Variants in CARS1 observed in about 807,000 individuals in gnomAD.
CARS1 encodes cysteinyl-tRNA synthetase 1.
Under a neutral mutation model 106.2 loss-of-function variants are expected in CARS1, and 48 were observed. The observed-to-expected ratio is 0.45, with a 90% confidence interval of 0.36 to 0.57. The LOEUF (loss-of-function observed/expected upper bound fraction) is 0.57. Ranked by LOEUF, CARS1 falls within the 20% of genes least tolerant of loss-of-function variation. The pLI is 0.00. For synonymous variants in CARS1, 409 were observed against 403.4 expected, an observed-to-expected ratio of 1.01 and a Z score of -0.17; for missense variants, 968 against 1,057.2, an observed-to-expected ratio of 0.92 and a Z score of 1.17.
Position 3,037,815 on chromosome 11 carries a change from C to A in CARS1, c.801+235G>T, listed in dbSNP as rs1853871937. 6.6e-6 allele frequency among the ~76,000 whole-genome samples: 1 copy of A among 151,772 alleles called. No homozygotes were observed. The highest frequency in any genetic ancestry group is 2.4e-5 in the African/African-American group (1 of 41,292). On this transcript the variant is annotated intron_variant, in intron 7 of 22. Coordinates refer to ENST00000380525, the MANE Select transcript of CARS1 (RefSeq NM_001014437.3). The surrounding 1 kb of genome is among the most constrained non-coding windows in gnomAD (Gnocchi z 5.9). ...TGGTGGGAGGGTGTGGATCCCGAGT[C>A]TCCTTCCAGTGGCACAGGCTCTGCA...
At chr11:3,033,475 A>G (rs1390792546) in intron 7 of CARS1, among the ~76,000 whole-genome samples, 1 of 152,246 alleles carries the variant, frequency 6.6e-6, no homozygotes, top group Non-Finnish European at 1.5e-5. Context: ...GTAATTCTAG[A>G]TAATTAACTT....
intron 20 of CARS1, 136 bp downstream of exon 20, chr11:3,005,230 C>T: frequency 3.0e-5 from 17 of 570,304 alleles, no homozygotes; most frequent in South Asian, 7.9e-5. Context: ...GTTAATTTTT[C>T]TTTCTGACAT....
At chr11:3,013,788 G>GGGT (rs1402609439) in intron 17 of CARS1, among the ~76,000 whole-genome samples, 1 of 152,160 alleles carries the variant, frequency 6.6e-6, no homozygotes, top group Non-Finnish European at 1.5e-5. Context: ...GGGAGGCAGA[G>GGGT]GGTGCAGTGA....
In CARS1 at chr11:3,020,526, A is replaced by G. The variant is rs1371704797; in HGVS notation, c.1154-194T>C. Reference sequence around the variant, plus strand: ...GTGTTGACCCAGTGTCTAGATTTACAAAACGGTACATAATCCCCAAAGTCA... The same window carrying G: ...GTGTTGACCCAGTGTCTAGATTTACGAAACGGTACATAATCCCCAAAGTCA... On this transcript the variant is annotated intron_variant, in intron 10 of 22. Transcript: ENST00000380525. This position sits in a 1 kb window ranked among gnomAD's most constrained non-coding sequence, Gnocchi z 4.6. Among the ~76,000 whole-genome samples, 8 of 152,242 alleles carry G rather than the reference A, an allele frequency of 5.3e-5. No individual in the cohort carries two copies. Among genetic ancestry groups the G allele is most frequent in the Non-Finnish European group, 1.0e-4 (7 of 68,052 alleles).
Position 3,017,273 on chromosome 11 carries a change from T to C in CARS1, c.1750A>G (p.Ile584Val), listed in dbSNP as rs1433134399. 6.2e-7 allele frequency: 1 copy of C among 1,613,932 alleles called. No homozygotes were observed. The highest frequency in any genetic ancestry group is 8.5e-7 in the Non-Finnish European group (1 of 1,179,812). Residue 584 changes from isoleucine (I) to valine (V), a missense_variant, in exon 16 of 23, where the codon ATT (isoleucine) becomes GTT (valine). Ile to Val is a conservative substitution (Grantham distance 29, BLOSUM62 3). Transcript: ENST00000380525. This position sits in a 1 kb window ranked among gnomAD's most constrained non-coding sequence, Gnocchi z 4.9. Reference sequence around the variant, plus strand: ...ACATTGTCACAGAGGGCTTTGTGAATTGCTGTCTTCTTGTCATAAAAGCTG... The same window carrying C: ...ACATTGTCACAGAGGGCTTTGTGAACTGCTGTCTTCTTGTCATAAAAGCTG... ...NKNFYDKKTA[I>V]HKALCDNVDT...
rs576775707 is a variant in CARS1, at chr11:3,052,008, C to G, written c.26-4007G>C. ...GCAACAGCCCGAACACTGACAGTGACGATGGTTGATGAGAGGGGGTGACAG... is the reference window on the plus strand; with the variant it reads ...GCAACAGCCCGAACACTGACAGTGAGGATGGTTGATGAGAGGGGGTGACAG... On this transcript the variant is annotated intron_variant, in intron 1 of 22. Coordinates refer to ENST00000380525, the MANE Select transcript of CARS1 (RefSeq NM_001014437.3). This position sits in a 1 kb window ranked among gnomAD's most constrained non-coding sequence, Gnocchi z 4.6. Among the ~76,000 whole-genome samples, 4 of 152,338 alleles carry G rather than the reference C, an allele frequency of 2.6e-5. No homozygotes were observed. The highest frequency in any genetic ancestry group is 5.9e-5 in the Non-Finnish European group (4 of 68,034).
chr11:3,040,637 C>A lies in CARS1; in HGVS notation c.455+259G>T. On this transcript the variant is annotated intron_variant, in intron 4 of 22. Coordinates refer to ENST00000380525, the MANE Select transcript of CARS1 (RefSeq NM_001014437.3). This position sits in a 1 kb window ranked among gnomAD's most constrained non-coding sequence, Gnocchi z 5.8. ...GTGAGAAAAAGTGCCCAGGTCGAGT[C>A]CAGCATGTTAGCAGTGGGGCTATGG... The A allele has an allele frequency of 1.5e-6, 1 of 659,518 alleles. No homozygotes were observed. The highest frequency in any genetic ancestry group is 2.8e-6 in the Non-Finnish European group (1 of 359,142). 40.9% of individuals were successfully genotyped at this position (659,518 alleles called of 1,614,324 possible). A position where few individuals can be genotyped will look rare whatever the true frequency, so the allele number is the denominator to read the frequency against.
chr11:3,018,462 C>T lies in CARS1; in HGVS notation c.1575G>A (p.Leu525=). ...ACTCCATGGTGTTGCTGGAGTAGTC[C>T]AGGGTGTCCTTCCACGAGTGCATGA... The part of the protein sequence containing the change: ...AFLMHSWKDT[L]DYSSNTMESA... The change falls in exon 14 of 23, where the codon CTG becomes CTA. Residue 525 remains leucine, a synonymous_variant. Coordinates refer to ENST00000380525, the MANE Select transcript of CARS1 (RefSeq NM_001014437.3). 6.2e-7 allele frequency: 1 copy of T among 1,614,140 alleles called. No individual in the cohort carries two copies. The highest frequency in any genetic ancestry group is 8.5e-7 in the Non-Finnish European group (1 of 1,180,014).
At chr11:3,032,925 T>C (rs1853054317) in intron 7 of CARS1, among the ~76,000 whole-genome samples, 1 of 151,312 alleles carries the variant, frequency 6.6e-6, no homozygotes, top group South Asian at 2.1e-4. Flanking sequence ...TCAGAGCAGG[T>C]TCGCTGACTG....
In CARS1 at chr11:3,041,444, T is replaced by C. The variant is rs532725123; in HGVS notation, c.367-460A>G. Among the ~76,000 whole-genome samples, 3 of 152,254 alleles carry C rather than the reference T, an allele frequency of 2.0e-5. No homozygotes were observed. The East Asian group carries it at 5.8e-4, about 29-fold the overall frequency. ...AACACTTGGCCAGGGTCAGTCCCTG[T>C]TGGGGGAGCGCGGCTTGGAGGCCAG... On this transcript the variant is annotated intron_variant, in intron 3 of 22. Coordinates refer to ENST00000380525, the MANE Select transcript of CARS1 (RefSeq NM_001014437.3). The surrounding 1 kb of genome is among the most constrained non-coding windows in gnomAD (Gnocchi z 4.9).
intron 14 of CARS1, 51 bp downstream of exon 14, chr11:3,018,357 T>C (rs776070715): frequency 2.9e-5 from 36 of 1,238,550 alleles, no homozygotes; most frequent in Non-Finnish European, 3.7e-5. Flanking sequence ...AGGTGCCCAC[T>C]GTGCAGGGGA....
chr11:3,009,733 G>C (rs1590334545), intron 18 of CARS1, among the ~76,000 whole-genome samples: 1 of 152,176 alleles, frequency 6.6e-6, no homozygotes, highest in Non-Finnish European at 1.5e-5. Flanking sequence ...GACCATGGGG[G>C]TATTTCCAGG....
At position 3,007,050 on chromosome 11, in the gene CARS1, G is replaced by A. The variant is rs912118545; in HGVS notation, c.2069-91C>T. 4.0e-5 allele frequency: 41 copies of A among 1,024,696 alleles called. No homozygotes were observed. In the East Asian group the frequency reaches 5.7e-4, roughly 14 times the overall value. The allele number at this position is 1,024,696 out of a possible 1,614,324, so 63.5% of individuals were successfully genotyped here. A position where few individuals can be genotyped will look rare whatever the true frequency, so the allele number is the denominator to read the frequency against. On this transcript the variant is annotated intron_variant, in intron 18 of 22. Transcript: ENST00000380525. ...CTCCAGTGCTGGGGAAGGAGGGGCC[G>A]TGGCCCACAGAACAAGTGCCTCCTC...
rs1243318561 is a variant in CARS1 at position 3,004,355 on chromosome 11, G to C, written c.2217+1011C>G. Among the ~76,000 whole-genome samples the C allele has an allele frequency of 6.6e-6, 1 of 152,222 alleles. No homozygotes were observed. Among genetic ancestry groups the C allele is most frequent in the African/African-American group, 2.4e-5 (1 of 41,460 alleles). On this transcript the variant is annotated intron_variant, in intron 20 of 22. Transcript: ENST00000380525. The surrounding 1 kb of genome is among the most constrained non-coding windows in gnomAD (Gnocchi z 5.2). ...TCCCCTCGTGCCTTGGGCCAGTGCA[G>C]GGCTAGGCATAGATGCCTTCCCTGA...
Position 3,040,064 on chromosome 11 carries a change from C to T in CARS1, c.456-133G>A, listed in dbSNP as rs1015344207. ...GCCATCCCTGAAACAGCAAGACCCCCCCTTCTCCTCCTCAGTCTACTCAAC... is the reference window on the plus strand; with the variant it reads ...GCCATCCCTGAAACAGCAAGACCCCTCCTTCTCCTCCTCAGTCTACTCAAC... On this transcript the variant is annotated intron_variant, in intron 4 of 22. Transcript: ENST00000380525. The surrounding 1 kb of genome is among the most constrained non-coding windows in gnomAD (Gnocchi z 5.8). 6 of 561,548 alleles carry T rather than the reference C, an allele frequency of 1.1e-5. No homozygotes were observed. In the East Asian group the frequency reaches 1.6e-4, roughly 15 times the overall value. 34.8% of individuals were successfully genotyped at this position (561,548 alleles called of 1,614,324 possible).
rs778899177 is a variant in CARS1 at position 3,018,403 on chromosome 11, C to T, written c.1629+5G>A. On this transcript the variant is annotated splice_donor_5th_base_variant and intron_variant, in intron 14 of 22. Coordinates refer to ENST00000380525, the MANE Select transcript of CARS1 (RefSeq NM_001014437.3). Reference sequence around the variant, plus strand: ...CCAACCTCCAGGAAGGGGCTGGGGACTCACATTCAAGAACTTCTCATATTG... The same window carrying T: ...CCAACCTCCAGGAAGGGGCTGGGGATTCACATTCAAGAACTTCTCATATTG... 1.2e-6 allele frequency: 2 copies of T among 1,603,466 alleles called. No homozygotes were observed. The highest frequency in any genetic ancestry group is 1.1e-5 in the South Asian group (1 of 90,732).
At chr11:3,035,178 C>G (rs1021880144) in intron 7 of CARS1, among the ~76,000 whole-genome samples, 1 of 152,052 alleles carries the variant, frequency 6.6e-6, no homozygotes, top group East Asian at 1.9e-4. Flanking sequence ...TTGGAGGGGA[C>G]AAACATTCAA....
rs1313701792 is a variant in CARS1, at chr11:3,053,710, G to A, written c.25+3633C>T. The stretch of plus-strand genomic sequence containing the variant: ...CCTGCCAAATCAGAATCTCTGGGGT[G>A]GGCCCAGCAAGTGAGGTTTAAACCA... On this transcript the variant is annotated intron_variant, in intron 1 of 22. Coordinates refer to ENST00000380525, the MANE Select transcript of CARS1 (RefSeq NM_001014437.3). The surrounding 1 kb of genome is among the most constrained non-coding windows in gnomAD (Gnocchi z 6.6). 6.6e-6 allele frequency among the ~76,000 whole-genome samples: 1 copy of A among 152,128 alleles called. No individual in the cohort carries two copies. The highest frequency in any genetic ancestry group is 1.5e-5 in the Non-Finnish European group (1 of 68,028).
In CARS1 at chr11:3,039,815, A is replaced by T. The variant is rs771089904; in HGVS notation, c.552+20T>A. 3.1e-6 allele frequency: 4 copies of T among 1,274,144 alleles called. No individual in the cohort carries two copies. In the Admixed American group the frequency reaches 9.1e-5, roughly 29 times the overall value. 78.9% of individuals were successfully genotyped at this position (1,274,144 alleles called of 1,614,324 possible). On this transcript the variant is annotated intron_variant, in intron 5 of 22. Transcript: ENST00000380525. The surrounding 1 kb of genome is among the most constrained non-coding windows in gnomAD (Gnocchi z 5.6). ...ACCATCCAATTGCATTTAAAATTTA[A>T]TCTTACAAATTCCCTTTACCTTGTC...
Sources: gnomAD v4.1 joint callset for allele counts (sites outside exome capture counted in the v4.1 genomes callset) on GRCh38, gnomAD v4.1.1 for gene constraint, Gnocchi (gnomAD v3.1) non-coding constraint, MANE v1.5 for transcripts, NCBI Gene and HGNC (gene_info 2026-07-23, HGNC 2026-07-21) for gene names.